GRM7: variants seen among roughly 807,000 people sequenced by gnomAD.
GRM7 encodes the protein metabotropic glutamate receptor 7.
Under a neutral mutation model 84.5 loss-of-function variants are expected in GRM7, and 35 were observed. That is an observed-to-expected ratio of 0.41 (90% confidence interval 0.32 to 0.55). The LOEUF (loss-of-function observed/expected upper bound fraction) is 0.55. Ranked by LOEUF, GRM7 falls within the 20% of genes least tolerant of loss-of-function variation. The pLI is 0.19. For synonymous variants in GRM7, 487 were observed against 455.1 expected (o/e 1.07, Z -0.89); for missense variants, 1,003 against 1,194.6 (o/e 0.84, Z 2.36).
chr3:7,632,685 GTTATT>G (rs1379152267), intron 8 of GRM7, among the ~76,000 whole-genome samples: 1 of 152,088 alleles, frequency 6.6e-6, no homozygotes, highest in African/African-American at 2.4e-5. Context: ...TATGAATATA[GTTATT>G]TTAATTGTTT....
At chr3:7,047,315 C>G (rs1000413287) in intron 1 of GRM7, among the ~76,000 whole-genome samples, 1 of 151,988 alleles carries the variant, frequency 6.6e-6, no homozygotes, top group Non-Finnish European at 1.5e-5. Flanking sequence ...GCTTGCTATA[C>G]ACAGTGAACA....
rs188966424 is a variant in GRM7 at position 7,381,117 on chromosome 3, C to T, written c.1034-33906C>T. ...AAGCCAGTACTACCTTTCTCAAGTA[C>T]ATTTGAGTATCATCTACTTCCTTGA... On this transcript the variant is annotated intron_variant, in intron 4 of 9. Coordinates refer to ENST00000357716, the MANE Select transcript of GRM7 (RefSeq NM_000844.4). Among the ~76,000 whole-genome samples, 4 of 152,196 alleles carry T rather than the reference C, an allele frequency of 2.6e-5. No homozygotes were observed. In the East Asian group the frequency reaches 5.8e-4, roughly 22 times the overall value.
rs527534791 is a variant in GRM7, at chr3:7,326,301, G to A, written c.1033+19649G>A. On this transcript the variant is annotated intron_variant, in intron 4 of 9. Coordinates refer to ENST00000357716, the MANE Select transcript of GRM7 (RefSeq NM_000844.4). ...AGGTGTCTCACTTCTTCAGTGTTGG[G>A]CTAATTTTGTCTTGAGAACATCTTA... Among the ~76,000 whole-genome samples, 36 of 152,174 alleles carry A rather than the reference G, an allele frequency of 2.4e-4. 1 individual carries two copies. The South Asian group carries it at 7.3e-3, about 31-fold the overall frequency.
intron 2 of GRM7, among the ~76,000 whole-genome samples, chr3:7,285,753 C>A (rs1001992284): frequency 6.6e-6 from 1 of 152,020 alleles, no homozygotes; most frequent in Non-Finnish European, 1.5e-5. Flanking sequence ...TAACCTCTAA[C>A]CTTGATCTGA....
chr3:7,071,164 C>T (rs1697867227), intron 1 of GRM7, among the ~76,000 whole-genome samples: 1 of 152,044 alleles, frequency 6.6e-6, no homozygotes, highest in Non-Finnish European at 1.5e-5. Flanking sequence ...CTGTTTGATT[C>T]TTACCTAACC....
chr3:7,200,403 C>A lies in GRM7; in HGVS notation c.736+53735C>A, dbSNP rs114325868. On this transcript the variant is annotated intron_variant, in intron 2 of 9. Coordinates refer to ENST00000357716, the MANE Select transcript of GRM7 (RefSeq NM_000844.4). ...TGAAAGTTTCAAAAACTCTGCCCTA[C>A]CCAGGATTTCTCAGATTTTAATGTG... is the stretch of plus-strand genomic sequence containing the variant. 4.2e-3 allele frequency among the ~76,000 whole-genome samples: 638 copies of A among 152,228 alleles called. 4 individuals carry two copies. The highest frequency in any genetic ancestry group is 0.015 in the African/African-American group (606 of 41,542).
chr3:7,470,647 T>C lies in GRM7; in HGVS notation c.1515+8925T>C, dbSNP rs186685530. Among the ~76,000 whole-genome samples the C allele has an allele frequency of 1.4e-3, 217 of 152,312 alleles. 1 individual carries two copies. The highest frequency in any genetic ancestry group is 4.9e-3 in the African/African-American group (204 of 41,586). ...AAGCAAATCACTTCATGTTTAATAA[T>C]AGACTCCAGATTCTCTGTGGAAATT... is the stretch of plus-strand genomic sequence containing the variant. On this transcript the variant is annotated intron_variant, in intron 7 of 9. Coordinates refer to ENST00000357716, the MANE Select transcript of GRM7 (RefSeq NM_000844.4).
At chr3:7,350,784 G>A (rs544972688) in intron 4 of GRM7, among the ~76,000 whole-genome samples, 4 of 151,910 alleles carry the variant, frequency 2.6e-5, no homozygotes, top group African/African-American at 7.3e-5. Flanking sequence ...AGTCTTCTCC[G>A]ATGGTGCTCT....
chr3:7,144,098 ATG>A (rs2125064822), intron 1 of GRM7, among the ~76,000 whole-genome samples: 1 of 152,294 alleles, frequency 6.6e-6, no homozygotes, highest in East Asian at 1.9e-4. Context: ...TTTAGTGGCT[ATG>A]TAGTCAGTGA....
At chr3:7,630,469 T>C (rs1428182013) in intron 8 of GRM7, among the ~76,000 whole-genome samples, 1 of 152,086 alleles carries the variant, frequency 6.6e-6, no homozygotes, top group Non-Finnish European at 1.5e-5. Flanking sequence ...TAAGTTGTCA[T>C]CCCTGCCAGA....
At chr3:7,330,090 TG>T (rs2125064729) in intron 4 of GRM7, among the ~76,000 whole-genome samples, 2 of 152,244 alleles carry the variant, frequency 1.3e-5, no homozygotes, top group South Asian at 4.1e-4. Context: ...GGTTGAGGCA[TG>T]GGGTATCCAC....
intron 7 of GRM7, among the ~76,000 whole-genome samples, chr3:7,502,373 T>C (rs1336004493): frequency 1.3e-5 from 2 of 152,178 alleles, no homozygotes; most frequent in Non-Finnish European, 2.9e-5. Flanking sequence ...TGATTTTCAA[T>C]ACCAGTTGAA....
At chr3:7,236,301 A>C (rs1172079694) in intron 2 of GRM7, among the ~76,000 whole-genome samples, 1 of 152,220 alleles carries the variant, frequency 6.6e-6, no homozygotes, top group Non-Finnish European at 1.5e-5. Flanking sequence ...GTGCCAAACA[A>C]TATTCTAAAT....
At chr3:6,964,092 G>A (rs183285055) in intron 1 of GRM7, among the ~76,000 whole-genome samples, 1 of 152,160 alleles carries the variant, frequency 6.6e-6, no homozygotes, top group Non-Finnish European at 1.5e-5. Flanking sequence ...TTATTTTGAA[G>A]ATCAGCAATA....
chr3:7,007,066 C>T (rs1005448489), intron 1 of GRM7, among the ~76,000 whole-genome samples: 3 of 152,114 alleles, frequency 2.0e-5, no homozygotes, highest in East Asian at 1.9e-4. Flanking sequence ...TATATTGGTT[C>T]AAGGTATTTC....
chr3:7,541,080 G>A (rs1245606876), intron 7 of GRM7, among the ~76,000 whole-genome samples: 1 of 152,016 alleles, frequency 6.6e-6, no homozygotes, highest in African/African-American at 2.4e-5. Flanking sequence ...GTGATATGGG[G>A]GCCAGGAAAA....
intron 7 of GRM7, chr3:7,561,332 C>T: frequency 3.5e-6 from 1 of 282,836 alleles, no homozygotes; most frequent in South Asian, 3.5e-5. Flanking sequence ...GTGATTTATA[C>T]ACAAATTTAT....
intron 7 of GRM7, among the ~76,000 whole-genome samples, chr3:7,490,157 G>A (rs1005992720): frequency 5.3e-5 from 8 of 152,068 alleles, no homozygotes; most frequent in Admixed American, 1.3e-4. Context: ...GTATACAAAA[G>A]TTATACATGA....
Position 7,461,683 on chromosome 3 carries a change from C to T in GRM7, c.1476C>T (p.Tyr492=). 6.2e-7 allele frequency: 1 copy of T among 1,613,880 alleles called. No individual in the cohort carries two copies. The highest frequency in any genetic ancestry group is 1.6e-4 in the Middle Eastern group (1 of 6,062). The change falls in exon 7 of 10, where the codon TAC becomes TAT. Residue 492 remains tyrosine, a synonymous_variant. Transcript: ENST00000357716. ...YQTTNTSNPG[Y]RLIGQWTDEL... is the part of the protein sequence containing the mutation. ...CCACAAACACCAGCAACCCGGGTTA[C>T]CGTCTGATCGGGCAGTGGACAGACG... is the stretch of plus-strand genomic sequence containing the variant.
Sources: allele counts gnomAD v4.1 joint callset (sites outside exome capture counted in the v4.1 genomes callset), GRCh38; gene constraint gnomAD v4.1.1; transcripts MANE v1.5; gene names NCBI Gene and HGNC (gene_info 2026-07-23, HGNC 2026-07-21).